SV2C: variants seen among roughly 807,000 people sequenced by gnomAD.
SV2C encodes solute carrier family 22 member B3.
Under a neutral mutation model 79.7 loss-of-function variants are expected in SV2C, and 49 were observed. The ratio of observed to expected loss-of-function variants is 0.61; its 90% CI spans 0.49 to 0.78. The LOEUF (loss-of-function observed/expected upper bound fraction) is 0.78. Among genes scored for constraint, SV2C ranks in the 30% least tolerant of loss-of-function variants. The probability of loss-of-function intolerance (pLI) is 0.00; values close to 1 mark genes in which losing one functional copy is unlikely to be tolerated. For missense variants in SV2C, 833 were observed against 912.9 expected (o/e 0.91, Z 1.13); for synonymous variants, 334 against 333.2 (o/e 1.00, Z -0.03).
intron 4 of SV2C, among the ~76,000 whole-genome samples, chr5:76,279,790 T>C (rs774098997): frequency 1.2e-4 from 19 of 152,060 alleles, no homozygotes; most frequent in Non-Finnish European, 2.2e-4. Flanking sequence ...AGGTGTCAGA[T>C]AGAGATATGC....
At chr5:75,868,694 G>GAGA in the SV2C span, among the ~76,000 whole-genome samples, 1 of 152,166 alleles carries the variant, frequency 6.6e-6, no homozygotes, top group Non-Finnish European at 1.5e-5. Flanking sequence ...GCTGAGGATT[G>GAGA]AGAAGGGAAT....
At chr5:76,073,286 C>T in the SV2C span, among the ~76,000 whole-genome samples, 21 of 151,782 alleles carry the variant, frequency 1.4e-4, no homozygotes, top group African/African-American at 4.8e-4. Context: ...AGATGAAGAT[C>T]CAGTTTTATT....
At chr5:76,134,773 A>C (rs755470926) in intron 2 of SV2C, among the ~76,000 whole-genome samples, 1 of 152,222 alleles carries the variant, frequency 6.6e-6, no homozygotes, top group Non-Finnish European at 1.5e-5. Flanking sequence ...ATATTTAATT[A>C]TCTAATGATC....
At position 76,326,585 on chromosome 5, in the gene SV2C, C is replaced by G. The variant is rs1749002763; in HGVS notation, c.*1038C>G. The G allele has an allele frequency of 1.3e-5, 2 of 152,246 alleles. No individual in the cohort carries two copies. Among genetic ancestry groups the G allele is most frequent in the African/African-American group, 4.8e-5 (2 of 41,448 alleles). 9.4% of individuals were successfully genotyped at this position (152,246 alleles called of 1,614,324 possible). A position where few individuals can be genotyped will look rare whatever the true frequency, so the allele number is the denominator to read the frequency against. ...TGGGACTGGCCCGCCAGGACCCCCA[C>G]CCCACCTGGCCCGCAGTTGACATTC... On this transcript the variant is annotated 3_prime_UTR_variant, in exon 13 of 13. Coordinates refer to ENST00000502798, the MANE Select transcript of SV2C (RefSeq NM_014979.4).
chr5:76,094,428 G>T (rs1182839883), intron 1 of SV2C, among the ~76,000 whole-genome samples: 1 of 151,992 alleles, frequency 6.6e-6, no homozygotes, highest in Admixed American at 6.6e-5. Flanking sequence ...ATGTACTCTT[G>T]TGTCTGTTTT....
chr5:76,078,526 C>T (rs907265722), upstream of SV2C: 6 of 278,054 alleles, frequency 2.2e-5, no homozygotes, highest in African/African-American at 6.7e-5. Flanking sequence ...GCATTAAGGG[C>T]TTAACAAGAC....
chr5:76,287,895 G>T (rs1054716345), intron 6 of SV2C, among the ~76,000 whole-genome samples: 1 of 152,108 alleles, frequency 6.6e-6, no homozygotes, highest in African/African-American at 2.4e-5. Flanking sequence ...GACCATCCTG[G>T]CCAACAAGGT....
At chr5:75,961,524 GT>G in the SV2C span, among the ~76,000 whole-genome samples, 3 of 151,584 alleles carry the variant, frequency 2.0e-5, no homozygotes, top group Admixed American at 2.0e-4. Context: ...TAATTATTTT[GT>G]TTTCAAAAAT....
the SV2C span, among the ~76,000 whole-genome samples, chr5:76,056,767 T>A: frequency 2.0e-5 from 3 of 151,992 alleles, no homozygotes; most frequent in South Asian, 4.1e-4. Context: ...TTTATCCATT[T>A]CTTCTAGATT....
intron 1 of SV2C, 141 bp from the exon 2 acceptor site, chr5:76,131,509 G>T (rs1363227481): frequency 7.1e-6 from 2 of 282,236 alleles, no homozygotes; most frequent in East Asian, 1.2e-4. Context: ...TATATACAGT[G>T]AGATCAAAAA....
In SV2C at chr5:76,223,470, T is replaced by C. The variant is rs1451940651; in HGVS notation, c.913+13583T>C. Among the ~76,000 whole-genome samples the C allele has an allele frequency of 1.2e-4, 9 of 75,654 alleles. 1 individual carries two copies. The highest frequency in any genetic ancestry group is 6.7e-4 in the East Asian group (2 of 3,002). 49.6% of individuals were successfully genotyped at this position (75,654 alleles called of 152,430 possible). ...ATATATATATATATATATATATATA[T>C]ATATATATATATATATATATATATA... is the stretch of plus-strand genomic sequence containing the variant. On this transcript the variant is annotated intron_variant, in intron 4 of 12. Transcript: ENST00000502798.
chr5:75,918,472 G>T, the SV2C span, among the ~76,000 whole-genome samples: 1 of 152,210 alleles, frequency 6.6e-6, no homozygotes, highest in Non-Finnish European at 1.5e-5. Context: ...CGTGAAAGAT[G>T]TAGGCTCTAA....
the SV2C span, among the ~76,000 whole-genome samples, chr5:76,071,025 A>G: frequency 6.6e-6 from 1 of 152,232 alleles, no homozygotes; most frequent in Non-Finnish European, 1.5e-5. Context: ...CTTTTAGGGT[A>G]CCCATTAGTG....
chr5:76,265,172 G>C (rs1384481626), intron 4 of SV2C, among the ~76,000 whole-genome samples: 1 of 152,210 alleles, frequency 6.6e-6, no homozygotes, highest in Non-Finnish European at 1.5e-5. Context: ...AATCTAGAGA[G>C]GCAGTCTGGC....
the SV2C span, among the ~76,000 whole-genome samples, chr5:75,848,022 A>G: frequency 6.6e-6 from 1 of 152,024 alleles, no homozygotes; most frequent in Admixed American, 6.6e-5. Context: ...CAGAGACAAC[A>G]CCCTCTCCTC....
chr5:76,314,181 A>G (rs1748547825), intron 12 of SV2C, among the ~76,000 whole-genome samples: 1 of 152,138 alleles, frequency 6.6e-6, no homozygotes, highest in Non-Finnish European at 1.5e-5. Context: ...AATGAATGAA[A>G]TATGCATTTG....
At chr5:76,005,183 G>T in the SV2C span, among the ~76,000 whole-genome samples, 1 of 152,088 alleles carries the variant, frequency 6.6e-6, no homozygotes, top group Non-Finnish European at 1.5e-5. Flanking sequence ...GCAGTTTCCA[G>T]CCTCACACCT....
At chr5:76,155,626 T>C (rs1742698870) in intron 2 of SV2C, among the ~76,000 whole-genome samples, 1 of 152,136 alleles carries the variant, frequency 6.6e-6, no homozygotes, top group Non-Finnish European at 1.5e-5. Flanking sequence ...GAATCTACCT[T>C]GAATGTGGCG....
At chr5:76,282,990 C>T (rs542095183) in intron 4 of SV2C, among the ~76,000 whole-genome samples, 5 of 152,188 alleles carry the variant, frequency 3.3e-5, no homozygotes, top group East Asian at 1.9e-4. Flanking sequence ...CTAGCCTGAG[C>T]GACAGAGTGA....
Sources: allele counts gnomAD v4.1 joint callset (sites outside exome capture counted in the v4.1 genomes callset), GRCh38; gene constraint gnomAD v4.1.1; transcripts MANE v1.5; gene names NCBI Gene and HGNC (gene_info 2026-07-23, HGNC 2026-07-21).